The following NUP210 variants were observed in gnomAD, a reference collection of about 807,000 sequenced individuals.
The protein encoded by NUP210 is nucleoporin 210.
In NUP210, 151 loss-of-function variants were observed where a neutral mutation model predicts 196.0. The observed-to-expected ratio is 0.77, with a 90% CI of 0.67 to 0.88. The LOEUF (loss-of-function observed/expected upper bound fraction) is 0.88. Ranked by LOEUF, NUP210 falls within the 40% of genes least tolerant of loss-of-function variation. The pLI, the probability that NUP210 is intolerant of heterozygous loss-of-function variation, is 0.00. For synonymous variants in NUP210, 1,070 were observed against 1,052.7 expected (o/e 1.02, Z -0.32); for missense variants, 2,314 against 2,493.7 (o/e 0.93, Z 1.53).
Position 13,353,597 on chromosome 3 carries a change from C to A in NUP210, c.2585G>T (p.Gly862Val), listed in dbSNP as rs199592808. The change falls in exon 18 of 40, where the codon GGC becomes GTC. Residue 862 changes from glycine to valine, a missense_variant. Gly to Val is a moderately radical substitution (Grantham distance 109). Coordinates refer to ENST00000254508, the MANE Select transcript of NUP210 (RefSeq NM_024923.4). ...AGAGCTGAGGTGGGACTCCTGGTAG[C>A]CAGTGGCAGTGGCAGTGATGGCTGT... ...GTTAITATAT[G>V]YQESHLSSAR... 1.9e-6 allele frequency: 3 copies of A among 1,614,126 alleles called. No homozygotes were observed. Among genetic ancestry groups the A allele is most frequent in the African/African-American group, 1.3e-5 (1 of 75,022 alleles).
chr3:13,388,253 C>T (rs1034019005), intron 5 of NUP210, 50 bp downstream of exon 5: 2 of 1,503,436 alleles, frequency 1.3e-6, no homozygotes, highest in Non-Finnish European at 1.8e-6. Flanking sequence ...GTACCGTCAG[C>T]CTGATTCCAC....
At position 13,385,618 on chromosome 3, in the gene NUP210, C is replaced by A. The variant is rs577676399; in HGVS notation, c.817+657G>T. Among the ~76,000 whole-genome samples the A allele has an allele frequency of 2.0e-5, 3 of 152,342 alleles. No individual in the cohort carries two copies. In the South Asian group the frequency reaches 6.2e-4, roughly 32 times the overall value. On this transcript the variant is annotated intron_variant, in intron 6 of 39. Transcript: ENST00000254508. ...GTTTGTTCAGTTGTCAGTTGCAGAC[C>A]GGGGCAAAGCCCAGCTAAACACAAA...
intron 3 of NUP210, among the ~76,000 whole-genome samples, chr3:13,392,217 C>A (rs1699513570): frequency 6.6e-6 from 1 of 152,200 alleles, no homozygotes; most frequent in Non-Finnish European, 1.5e-5. Context: ...TGCTTCTCTT[C>A]ACCCCGATCC....
chr3:13,357,008 G>C (rs919142730), intron 16 of NUP210, among the ~76,000 whole-genome samples: 1 of 152,214 alleles, frequency 6.6e-6, no homozygotes, highest in Non-Finnish European at 1.5e-5. Flanking sequence ...GGCCAGCCTG[G>C]GGTTGAATTG....
intron 28 of NUP210, among the ~76,000 whole-genome samples, chr3:13,334,094 A>G (rs1337746283): frequency 6.6e-6 from 1 of 152,134 alleles, no homozygotes; most frequent in Non-Finnish European, 1.5e-5. Flanking sequence ...GAATCTTCCT[A>G]TCTTTACATG....
intron 11 of NUP210, among the ~76,000 whole-genome samples, chr3:13,375,142 C>CTTTTTTTTTTTTTTTTTCTTT (rs76945178): frequency 5.1e-5 from 7 of 138,440 alleles, no homozygotes; most frequent in East Asian, 2.1e-4. Flanking sequence ...TATTTTTTCT[C>CTTTTTTTTTTTTTTTTTCTTT]TTTTTTTTTT....
intron 1 of NUP210, among the ~76,000 whole-genome samples, chr3:13,408,267 T>C (rs944468220): frequency 6.6e-6 from 1 of 152,232 alleles, no homozygotes; most frequent in African/African-American, 2.4e-5. Context: ...CTGGATTTGA[T>C]TAGCTAGTAT....
At chr3:13,325,273 C>T (rs1360154723) in intron 33 of NUP210, among the ~76,000 whole-genome samples, 4 of 152,196 alleles carry the variant, frequency 2.6e-5, no homozygotes, top group Non-Finnish European at 2.9e-5. Flanking sequence ...ACTGCAGAGC[C>T]GCAGCACTAA....
In NUP210 at chr3:13,323,206, G is replaced by C. The variant is rs1486994740; in HGVS notation, c.4768+103C>G. On this transcript the variant is annotated intron_variant, in intron 34 of 39. Coordinates refer to ENST00000254508, the MANE Select transcript of NUP210 (RefSeq NM_024923.4). This position sits in a 1 kb window ranked among gnomAD's most constrained non-coding sequence, Gnocchi z 4.3. Reference sequence around the variant, plus strand: ...TAAATGCCCTCTCTGGAGTTGGTGTGAGTGTGAATAGGAGAAGCAGATAAA... The same window carrying C: ...TAAATGCCCTCTCTGGAGTTGGTGTCAGTGTGAATAGGAGAAGCAGATAAA... The C allele has an allele frequency of 8.4e-6, 12 of 1,430,686 alleles. No individual in the cohort carries two copies. The East Asian group carries it at 2.3e-4, about 27-fold the overall frequency. The allele number at this position is 1,430,686 out of a possible 1,614,324, so 88.6% of individuals were successfully genotyped here.
At chr3:13,353,688 T>C (rs755453796) in intron 17 of NUP210, 28 bp from the exon 18 acceptor site, 3 of 1,593,678 alleles carry the variant, frequency 1.9e-6, no homozygotes, top group South Asian at 1.1e-5. Context: ...GAAGCCACCG[T>C]TGGATGTCTG....
rs762074687 is a variant in NUP210, at chr3:13,366,030, G to A, written c.1848C>T (p.Gly616=). The A allele has an allele frequency of 3.7e-6, 6 of 1,614,092 alleles. No individual in the cohort carries two copies. Among genetic ancestry groups the A allele is most frequent in the Middle Eastern group, 1.6e-4 (1 of 6,084 alleles). ...SGIRVKAEAQ[G]STTLLVSYRH... ...TGTAGCTCACAAGAAGCGTGGTAGA[G>A]CCCTGGGCCTCGGCCTTTACCCGGA... Residue 616 remains glycine (G), a synonymous_variant, in exon 14 of 40, where the codon GGC becomes GGT. Coordinates refer to ENST00000254508, the MANE Select transcript of NUP210 (RefSeq NM_024923.4).
chr3:13,333,018 A>G (rs1419883742), intron 28 of NUP210, among the ~76,000 whole-genome samples: 1 of 152,154 alleles, frequency 6.6e-6, no homozygotes, highest in Non-Finnish European at 1.5e-5. Flanking sequence ...CCATCTCAGA[A>G]CAACCCCCGT....
chr3:13,317,345 T>TGAAAA lies in NUP210; in HGVS notation c.*335_*336insTTTTC, dbSNP rs1696310372. 1 of 328,448 alleles carries TGAAAA rather than the reference T, an allele frequency of 3.0e-6. No individual in the cohort carries two copies. The highest frequency in any genetic ancestry group is 8.9e-5 in the East Asian group (1 of 11,294). 20.3% of individuals were successfully genotyped at this position (328,448 alleles called of 1,614,324 possible). A position where few individuals can be genotyped will look rare whatever the true frequency, so the allele number is the denominator to read the frequency against. On this transcript the variant is annotated 3_prime_UTR_variant, in exon 40 of 40. Coordinates refer to ENST00000254508, the MANE Select transcript of NUP210 (RefSeq NM_024923.4). Reference sequence around the variant, plus strand: ...GAGCACTTCTAACTGCTCAAAGTCTTGAGAAGGGAAAGATTTTAGCAAGGC... The same window carrying TGAAAA: ...GAGCACTTCTAACTGCTCAAAGTCTTGAAAAGAGAAGGGAAAGATTTTAGCAAGGC...
chr3:13,407,066 G>A (rs1406533211), intron 1 of NUP210, among the ~76,000 whole-genome samples: 1 of 152,144 alleles, frequency 6.6e-6, no homozygotes, highest in African/African-American at 2.4e-5. Flanking sequence ...TAACCTCCCT[G>A]GGCTGCCACA....
intron 39 of NUP210, 67 bp downstream of exon 39, chr3:13,319,005 C>A: frequency 6.9e-7 from 1 of 1,454,896 alleles, no homozygotes. Context: ...GAGCCTCGAC[C>A]CCTCCCCCAG....
At chr3:13,417,761 C>A (rs980525844) in intron 1 of NUP210, among the ~76,000 whole-genome samples, 1 of 152,184 alleles carries the variant, frequency 6.6e-6, no homozygotes, top group Non-Finnish European at 1.5e-5. Context: ...CACACATCTG[C>A]AATACAAACT....
intron 16 of NUP210, among the ~76,000 whole-genome samples, chr3:13,356,366 C>G (rs1698172220): frequency 6.6e-6 from 1 of 152,322 alleles, no homozygotes; most frequent in Non-Finnish European, 1.5e-5. Flanking sequence ...AATGACTGGC[C>G]AGGCATGGTG....
At chr3:13,373,642 C>T in intron 12 of NUP210, 76 bp downstream of exon 12, 3 of 1,496,438 alleles carry the variant, frequency 2.0e-6, no homozygotes, top group Non-Finnish European at 2.8e-6. Context: ...TGAGTGAAGT[C>T]GAGGCTTGCT....
chr3:13,353,846 C>T (rs1306578571), intron 17 of NUP210, 69 bp downstream of exon 17: 6 of 1,477,338 alleles, frequency 4.1e-6, no homozygotes, highest in Non-Finnish European at 5.5e-6. Context: ...AGGCACTGGC[C>T]CACCTTGGCA....
Sources: gnomAD v4.1 joint callset for allele counts (sites outside exome capture counted in the v4.1 genomes callset) on GRCh38, gnomAD v4.1.1 for gene constraint, Gnocchi (gnomAD v3.1) non-coding constraint, MANE v1.5 for transcripts, NCBI Gene and HGNC (gene_info 2026-07-23, HGNC 2026-07-21) for gene names.